CPS1: variants seen among roughly 807,000 people sequenced by gnomAD.
CPS1 encodes the protein carbamoyl-phosphate synthase 1.
CPS1 carries 109 observed loss-of-function variants against 174.6 expected under a neutral mutation model. The observed-to-expected ratio is 0.62, with a 90% CI of 0.53 to 0.73. The LOEUF (loss-of-function observed/expected upper bound fraction) is 0.73, where lower values mean the gene tolerates loss of function less well. CPS1 is among the 30% of genes least tolerant of loss of function. The pLI, the probability that CPS1 is intolerant of heterozygous loss-of-function variation, is 0.00. For synonymous variants in CPS1, 637 were observed against 632.0 expected, an observed-to-expected ratio of 1.01 and a Z score of -0.12; for missense variants, 1,689 against 1,821.9, an observed-to-expected ratio of 0.93 and a Z score of 1.33.
intron 21 of CPS1, among the ~76,000 whole-genome samples, chr2:210,620,610 A>G (rs1699481185): frequency 2.6e-5 from 4 of 152,082 alleles, no homozygotes; most frequent in Admixed American, 2.6e-4. Context: ...TCATGGCGGA[A>G]GGCAAAAGGA....
At chr2:210,624,264 G>A (rs1699628673) in intron 21 of CPS1, among the ~76,000 whole-genome samples, 2 of 152,074 alleles carry the variant, frequency 1.3e-5, no homozygotes, top group South Asian at 4.2e-4. Context: ...AAAACAAAAA[G>A]AAACAACACA....
intron 19 of CPS1, among the ~76,000 whole-genome samples, chr2:210,610,366 C>G (rs1242460182): frequency 6.6e-6 from 1 of 151,792 alleles, no homozygotes; most frequent in Admixed American, 6.6e-5. Context: ...AAAAAGTGAG[C>G]AAACATTTCC....
At chr2:210,555,768 C>T, upstream of CPS1, 1 of 423,096 alleles carries the variant, frequency 2.4e-6, no homozygotes, top group Non-Finnish European at 4.8e-6. Flanking sequence ...ATCTGCCAGC[C>T]AGTGAGGCCC....
chr2:210,516,853 A>G (rs568189109), intron 1 of CPS1, among the ~76,000 whole-genome samples: 1 of 152,084 alleles, frequency 6.6e-6, no homozygotes, highest in Non-Finnish European at 1.5e-5. Context: ...TTAAGACTTC[A>G]CTTTTTCTTT....
At chr2:210,493,288 AATG>A (rs1559734229) in intron 1 of CPS1, among the ~76,000 whole-genome samples, 1 of 152,182 alleles carries the variant, frequency 6.6e-6, no homozygotes, top group Admixed American at 6.6e-5. Context: ...TAGGAGAATA[AATG>A]ATGAGTTCAT....
chr2:210,607,300 T>C (rs1234000818), intron 18 of CPS1, among the ~76,000 whole-genome samples: 2 of 151,954 alleles, frequency 1.3e-5, no homozygotes, highest in Non-Finnish European at 2.9e-5. Context: ...TATAGCCCTA[T>C]AGCAAATAGT....
chr2:210,639,127 A>T, intron 22 of CPS1, 23 bp from the exon 23 acceptor site: 1 of 1,588,018 alleles, frequency 6.3e-7, no homozygotes, highest in Non-Finnish European at 8.6e-7. Context: ...TTATTTGTTT[A>T]TTTTATTTGT....
chr2:210,512,889 TGGAG>T (rs1324965682), intron 1 of CPS1, among the ~76,000 whole-genome samples: 3 of 74,272 alleles, frequency 4.0e-5, no homozygotes, highest in Non-Finnish European at 7.2e-5. Context: ...GATATATATA[TGGAG>T]ATATATATAT....
chr2:210,610,682 G>A (rs1699082154), intron 19 of CPS1, among the ~76,000 whole-genome samples: 1 of 151,802 alleles, frequency 6.6e-6, no homozygotes, highest in Admixed American at 6.6e-5. Flanking sequence ...TTGAGCCCAG[G>A]GGGTCCAGTC....
chr2:210,594,301 CTT>C (rs1559094969), intron 11 of CPS1, among the ~76,000 whole-genome samples: 1 of 151,800 alleles, frequency 6.6e-6, no homozygotes, highest in African/African-American at 2.4e-5. Context: ...TTTTATAAGA[CTT>C]GAAGTGAACA....
intron 7 of CPS1, among the ~76,000 whole-genome samples, chr2:210,589,832 TA>T (rs1645531458): frequency 6.6e-6 from 1 of 151,802 alleles, no homozygotes; most frequent in Non-Finnish European, 1.5e-5. Flanking sequence ...TCTTTTTTGG[TA>T]GAGATAGGGT....
At chr2:210,618,027 C>T (rs975301016) in intron 21 of CPS1, 3 of 151,956 alleles carry the variant, frequency 2.0e-5, no homozygotes, top group African/African-American at 2.4e-5. Flanking sequence ...ACTTGACATA[C>T]GTTCTGATTT....
At chr2:210,550,770 T>G (rs1696708535) in intron 1 of CPS1, among the ~76,000 whole-genome samples, 1 of 151,914 alleles carries the variant, frequency 6.6e-6, no homozygotes, top group Non-Finnish European at 1.5e-5. Context: ...TTCCAATGTT[T>G]TAGTTTCTAT....
intron 2 of CPS1, among the ~76,000 whole-genome samples, chr2:210,576,048 T>C (rs1415865061): frequency 6.6e-6 from 1 of 151,816 alleles, no homozygotes; most frequent in Non-Finnish European, 1.5e-5. Context: ...ATTTTAAAAA[T>C]TAAGATGCTA....
At chr2:210,645,656 G>T (rs1700356749) in intron 25 of CPS1, among the ~76,000 whole-genome samples, 1 of 152,160 alleles carries the variant, frequency 6.6e-6, no homozygotes, top group African/African-American at 2.4e-5. Context: ...GGTGGTGCAT[G>T]CCTGTAATCC....
intron 1 of CPS1, among the ~76,000 whole-genome samples, chr2:210,526,271 T>C (rs894751983): frequency 5.9e-5 from 9 of 151,474 alleles, no homozygotes; most frequent in African/African-American, 2.2e-4. Flanking sequence ...TTAGGAGAAA[T>C]ACCTAATGTA....
intron 1 of CPS1, among the ~76,000 whole-genome samples, chr2:210,528,928 A>T (rs1245358598): frequency 6.6e-6 from 1 of 151,352 alleles, no homozygotes; most frequent in Non-Finnish European, 1.5e-5. Context: ...TAACTTTTAC[A>T]GCATGAGTTA....
chr2:210,661,852 T>C (rs1048228858), intron 32 of CPS1, among the ~76,000 whole-genome samples: 1 of 151,810 alleles, frequency 6.6e-6, no homozygotes, highest in Admixed American at 6.6e-5. Context: ...TTTCTTTTAG[T>C]AAATTGATAT....
chr2:210,642,399 C>A, intron 24 of CPS1, 85 bp from the exon 25 acceptor site: 1 of 1,490,986 alleles, frequency 6.7e-7, no homozygotes, highest in Non-Finnish European at 9.4e-7. Flanking sequence ...TTAGCCTGGA[C>A]TGACTGGTGA....
Sources: allele counts gnomAD v4.1 joint callset (sites outside exome capture counted in the v4.1 genomes callset), GRCh38; gene constraint gnomAD v4.1.1; transcripts MANE v1.5; gene names NCBI Gene and HGNC (gene_info 2026-07-23, HGNC 2026-07-21).